ATP11A: variants seen among roughly 807,000 people sequenced by gnomAD.
The protein encoded by ATP11A is ATPase phospholipid transporting 11A.
A neutral mutation model predicts 154.4 loss-of-function variants in ATP11A; 81 were observed. The ratio of observed to expected loss-of-function variants is 0.52; its 90% confidence interval spans 0.44 to 0.63. The LOEUF (loss-of-function observed/expected upper bound fraction) is 0.63. ATP11A is among the 30% of genes least tolerant of loss of function. The pLI, the probability that ATP11A is intolerant of heterozygous loss-of-function variation, is 0.00. For missense variants in ATP11A, 1,316 were observed against 1,474.3 expected (o/e 0.89, Z 1.76); for synonymous variants, 623 against 585.9 (o/e 1.06, Z -0.91).
At chr13:112,802,512 T>C (rs2078164880) in intron 2 of ATP11A, among the ~76,000 whole-genome samples, 1 of 139,462 alleles carries the variant, frequency 7.2e-6, no homozygotes, top group African/African-American at 2.7e-5. Flanking sequence ...AGAAAAGCAC[T>C]ATTTCTTTTC....
chr13:112,745,236 TG>T (rs750060194), intron 1 of ATP11A, among the ~76,000 whole-genome samples: 8 of 152,202 alleles, frequency 5.3e-5, no homozygotes, highest in Non-Finnish European at 1.2e-4. Flanking sequence ...GGCTAATTTT[TG>T]TATTTTTAGT....
chr13:112,849,062 A>G (rs2079688706), intron 17 of ATP11A, among the ~76,000 whole-genome samples: 2 of 152,092 alleles, frequency 1.3e-5, no homozygotes, highest in Non-Finnish European at 2.9e-5. Context: ...TGGTTTTATC[A>G]CCAAAAGGTG....
chr13:112,808,311 C>T (rs1042395495), intron 4 of ATP11A, among the ~76,000 whole-genome samples: 2 of 151,990 alleles, frequency 1.3e-5, no homozygotes, highest in Non-Finnish European at 2.9e-5. Context: ...CAGGGCAAGG[C>T]GGCAAATGAA....
At chr13:112,755,076 G>C (rs1347314905) in intron 1 of ATP11A, among the ~76,000 whole-genome samples, 1 of 152,264 alleles carries the variant, frequency 6.6e-6, no homozygotes, top group Admixed American at 6.5e-5. Context: ...ACCACTGTGG[G>C]CCGATGAAAT....
chr13:112,827,446 G>C (rs752425754), intron 12 of ATP11A, among the ~76,000 whole-genome samples: 2 of 152,206 alleles, frequency 1.3e-5, no homozygotes, highest in Non-Finnish European at 2.9e-5. Flanking sequence ...ATGAGATAAT[G>C]GACACAAGGT....
At chr13:112,804,934 A>T in intron 2 of ATP11A, 23 bp from the exon 3 acceptor site, 1 of 1,458,424 alleles carries the variant, frequency 6.9e-7, no homozygotes, top group Non-Finnish European at 9.5e-7. Context: ...TCAATGATGG[A>T]TGTTTGTTTT....
At chr13:112,717,031 GGTGATGA>G (rs1888545628) in intron 1 of ATP11A, among the ~76,000 whole-genome samples, 1 of 152,182 alleles carries the variant, frequency 6.6e-6, no homozygotes, top group Non-Finnish European at 1.5e-5. Flanking sequence ...TGTTGGCCCT[GGTGATGA>G]GTGGGGGACA....
At chr13:112,819,982 T>G (rs1594791972) in intron 8 of ATP11A, 32 bp downstream of exon 8, 24 of 1,555,818 alleles carry the variant, frequency 1.5e-5, no homozygotes, top group Non-Finnish European at 2.1e-5. Flanking sequence ...TTGGCCACGG[T>G]CACCTCCCTT....
chr13:112,810,446 G>C (rs188865254), intron 4 of ATP11A, among the ~76,000 whole-genome samples, 173 bp from the exon 5 acceptor site: 1 of 152,192 alleles, frequency 6.6e-6, no homozygotes. Context: ...GGAACATGCC[G>C]ATGCTCTGTC....
At chr13:112,701,891 C>G (rs1440151117) in intron 1 of ATP11A, among the ~76,000 whole-genome samples, 1 of 152,022 alleles carries the variant, frequency 6.6e-6, no homozygotes, top group Non-Finnish European at 1.5e-5. Context: ...CCTTTTCCTC[C>G]CAGTGTTACC....
At chr13:112,736,990 T>C (rs1891061438) in intron 1 of ATP11A, among the ~76,000 whole-genome samples, 1 of 152,058 alleles carries the variant, frequency 6.6e-6, no homozygotes, top group Non-Finnish European at 1.5e-5. Flanking sequence ...TTCAGAAAAC[T>C]GTTTGGCAGT....
intron 17 of ATP11A, among the ~76,000 whole-genome samples, chr13:112,843,953 A>G (rs2079501312): frequency 6.6e-6 from 1 of 152,194 alleles, no homozygotes; most frequent in Non-Finnish European, 1.5e-5. Flanking sequence ...TGGAAAATAC[A>G]TCACTGACTT....
intron 1 of ATP11A, among the ~76,000 whole-genome samples, chr13:112,723,987 C>T (rs946903963): frequency 6.6e-6 from 1 of 152,050 alleles, no homozygotes; most frequent in Non-Finnish European, 1.5e-5. Context: ...TGTCGTGTGG[C>T]GCAGTTGATC....
intron 12 of ATP11A, among the ~76,000 whole-genome samples, chr13:112,828,796 A>C (rs1330950756): frequency 6.6e-6 from 1 of 152,234 alleles, no homozygotes; most frequent in Non-Finnish European, 1.5e-5. Flanking sequence ...CACTGAGGTC[A>C]AGACGGGTGG....
chr13:112,870,241 C>G (rs1013577588), intron 25 of ATP11A, among the ~76,000 whole-genome samples: 3 of 152,208 alleles, frequency 2.0e-5, no homozygotes, highest in Admixed American at 6.5e-5. Flanking sequence ...TTTCTATAAT[C>G]TACAAATGAG....
At chr13:112,823,948 T>C (rs1400951174) in intron 9 of ATP11A, among the ~76,000 whole-genome samples, 1 of 152,232 alleles carries the variant, frequency 6.6e-6, no homozygotes, top group Non-Finnish European at 1.5e-5. Flanking sequence ...TTAGATTACT[T>C]CTGATACCTA....
rs1566582243 is a variant in ATP11A, at chr13:112,859,350, C to G, written c.2668-43C>G. ...ACGTCGGTAGGTGGCGGCTGCCTCCCTCTGTCCCGTCACCGAACTAACAGT... is the reference window on the plus strand; with the variant it reads ...ACGTCGGTAGGTGGCGGCTGCCTCCGTCTGTCCCGTCACCGAACTAACAGT... On this transcript the variant is annotated intron_variant, in intron 22 of 29. Coordinates refer to ENST00000375645, the MANE Select transcript of ATP11A (RefSeq NM_015205.3). This position sits in a 1 kb window ranked among gnomAD's most constrained non-coding sequence, Gnocchi z 4.3. 1 of 1,585,620 alleles carries G rather than the reference C, an allele frequency of 6.3e-7. No individual in the cohort carries two copies. The highest frequency in any genetic ancestry group is 1.1e-5 in the South Asian group (1 of 90,454).
chr13:112,740,856 C>T (rs1210849860), intron 1 of ATP11A, among the ~76,000 whole-genome samples: 5 of 152,218 alleles, frequency 3.3e-5, no homozygotes, highest in South Asian at 2.1e-4. Flanking sequence ...ATCAGGGTCC[C>T]GGGTCGTTGA....
intron 29 of ATP11A, 188 bp downstream of exon 29, chr13:112,878,491 G>C (rs2080796360): frequency 3.2e-6 from 2 of 625,220 alleles, no homozygotes; most frequent in East Asian, 5.5e-5. Flanking sequence ...CATGGGCTGT[G>C]CTTTCCATCA....
Sources: gnomAD v4.1 joint callset for allele counts (sites outside exome capture counted in the v4.1 genomes callset) on GRCh38, gnomAD v4.1.1 for gene constraint, Gnocchi (gnomAD v3.1) non-coding constraint, MANE v1.5 for transcripts, NCBI Gene and HGNC (gene_info 2026-07-23, HGNC 2026-07-21) for gene names.